The following PCBP4 variants were observed in gnomAD, a reference collection of about 807,000 sequenced individuals.
The protein encoded by PCBP4 is poly(rC) binding protein 4, also known as poly(rC)-binding protein 4.
PCBP4 carries 24 observed loss-of-function variants against 46.2 expected under a neutral mutation model. That is an observed-to-expected ratio of 0.52 (90% CI 0.38 to 0.73). The LOEUF (loss-of-function observed/expected upper bound fraction) is 0.73, where lower values mean the gene tolerates loss of function less well. PCBP4 is among the 30% of genes least tolerant of loss of function. The pLI is 0.00. For missense variants in PCBP4, 407 were observed against 537.0 expected (o/e 0.76, Z 2.39); for synonymous variants, 203 against 224.4 (o/e 0.90, Z 0.85).
chr3:51,960,757 T>TG lies in PCBP4; in HGVS notation c.138+108dup. 6.8e-7 allele frequency: 1 copy of TG among 1,479,170 alleles called. No homozygotes were observed. Among genetic ancestry groups the TG allele is most frequent in the Non-Finnish European group, 9.5e-7 (1 of 1,057,610 alleles). 91.6% of individuals were successfully genotyped at this position (1,479,170 alleles called of 1,614,324 possible). ...GGCAAGGCTCAAAACTGCCACCCTCTGGGGGACTCACTGGTCAGCCCAGAA... is the reference window on the plus strand; with the variant it reads ...GGCAAGGCTCAAAACTGCCACCCTCTGGGGGGACTCACTGGTCAGCCCAGAA... On this transcript the variant is annotated intron_variant, in intron 5 of 13. Coordinates refer to ENST00000461554, the MANE Select transcript of PCBP4 (RefSeq NM_001174100.2). This position sits in a 1 kb window ranked among gnomAD's most constrained non-coding sequence, Gnocchi z 5.0.
chr3:51,958,005 C>T lies in PCBP4; in HGVS notation c.*56G>A. 2 of 1,483,372 alleles carry T rather than the reference C, an allele frequency of 1.3e-6. No homozygotes were observed. Among genetic ancestry groups the T allele is most frequent in the South Asian group, 1.4e-5 (1 of 73,202 alleles). 91.9% of individuals were successfully genotyped at this position (1,483,372 alleles called of 1,614,324 possible). On this transcript the variant is annotated 3_prime_UTR_variant, in exon 14 of 14. Coordinates refer to ENST00000461554, the MANE Select transcript of PCBP4 (RefSeq NM_001174100.2). This position sits in a 1 kb window ranked among gnomAD's most constrained non-coding sequence, Gnocchi z 5.4. Reference sequence around the variant, plus strand: ...GGAGTCTCCTTGGGCGGGTAGGGTGCAGAGGCAGCCCCCTGCTGGTGGTCC... The same window carrying T: ...GGAGTCTCCTTGGGCGGGTAGGGTGTAGAGGCAGCCCCCTGCTGGTGGTCC...
Position 51,959,910 on chromosome 3 carries a change from G to A in PCBP4, c.501C>T (p.Cys167=), listed in dbSNP as rs538122786. The change falls in exon 8 of 14, where the codon TGC becomes TGT. Residue 167 remains cysteine, a synonymous_variant. Transcript: ENST00000461554. The surrounding 1 kb of genome is among the most constrained non-coding windows in gnomAD (Gnocchi z 5.6). ...AGGGCAGCACCTCCAGGATAACAGC[G>A]CAGATCTGGCGCACACACAGGATGA... ...DAIILCVRQI[C]AVILESPPKG... 195 of 1,595,974 alleles carry A rather than the reference G, an allele frequency of 1.2e-4. 1 individual carries two copies. In the South Asian group the frequency reaches 2.0e-3, roughly 16 times the overall value.
rs997310508 is a variant in PCBP4, at chr3:51,959,830, G to A, written c.516+65C>T. The A allele has an allele frequency of 1.9e-6, 3 of 1,549,162 alleles. No homozygotes were observed. The highest frequency in any genetic ancestry group is 2.6e-6 in the Non-Finnish European group (3 of 1,149,216). On this transcript the variant is annotated intron_variant, in intron 8 of 13. Transcript: ENST00000461554. The surrounding 1 kb of genome is among the most constrained non-coding windows in gnomAD (Gnocchi z 5.6). Reference sequence around the variant, plus strand: ...CCTGCAGCACAGGCATAGGGTTTGGGGTCCCCGACAAGGCAGACCCAGGGC... The same window carrying A: ...CCTGCAGCACAGGCATAGGGTTTGGAGTCCCCGACAAGGCAGACCCAGGGC...
chr3:51,963,737 T>C (rs1332364367), intron 1 of PCBP4, among the ~76,000 whole-genome samples: 1 of 152,198 alleles, frequency 6.6e-6, no homozygotes, highest in Admixed American at 6.5e-5. Flanking sequence ...CTGTATTGTG[T>C]TTAGGGGCTG....
chr3:51,961,842 T>C, intron 2 of PCBP4, 99 bp downstream of exon 2: 1 of 816,956 alleles, frequency 1.2e-6, no homozygotes, highest in Non-Finnish European at 1.5e-6. Flanking sequence ...TGGGAAGCCT[T>C]GAAGGCAGGG....
Position 51,960,763 on chromosome 3 carries a change from A to G in PCBP4, c.138+103T>C. On this transcript the variant is annotated intron_variant, in intron 5 of 13. Transcript: ENST00000461554. This position sits in a 1 kb window ranked among gnomAD's most constrained non-coding sequence, Gnocchi z 5.0. ...GCTCAAAACTGCCACCCTCTGGGGG[A>G]CTCACTGGTCAGCCCAGAAGGAGTG... 1 of 1,472,400 alleles carries G rather than the reference A, an allele frequency of 6.8e-7. No homozygotes were observed. Among genetic ancestry groups the G allele is most frequent in the Non-Finnish European group, 9.5e-7 (1 of 1,051,522 alleles). The allele number at this position is 1,472,400 out of a possible 1,614,324, so 91.2% of individuals were successfully genotyped here.
chr3:51,960,499 G>A lies in PCBP4; in HGVS notation c.255+27C>T, dbSNP rs201087051. On this transcript the variant is annotated intron_variant, in intron 6 of 13. Coordinates refer to ENST00000461554, the MANE Select transcript of PCBP4 (RefSeq NM_001174100.2). The surrounding 1 kb of genome is among the most constrained non-coding windows in gnomAD (Gnocchi z 5.0). ...GGGTTCCTCCTGGGGAACCACTCTT[G>A]GCGTCCTGCCCTGGCCAGCCACGGA... 1.0e-4 allele frequency: 166 copies of A among 1,588,708 alleles called. No homozygotes were observed. The African/African-American group carries it at 2.1e-3, about 20-fold the overall frequency.
Position 51,960,907 on chromosome 3 carries a change from GGT to G in PCBP4, c.106-11_106-10del, listed in dbSNP as rs3214327. 0.036 allele frequency: 58,841 copies of G among 1,613,990 alleles called. 4,668 individuals carry two copies. Among genetic ancestry groups the G allele is most frequent in the African/African-American group, 0.32 (23,697 of 74,928 alleles). ...TTTACAGTCTCGCCCTTCTGTGGGA[GGT>G]ACAAAACAGATAATCACTCTTAACT... is the stretch of plus-strand genomic sequence containing the variant. On this transcript the variant is annotated splice_polypyrimidine_tract_variant and intron_variant, in intron 4 of 13. Transcript: ENST00000461554. This position sits in a 1 kb window ranked among gnomAD's most constrained non-coding sequence, Gnocchi z 5.0.
chr3:51,966,008 G>C (rs976783711), intron 1 of PCBP4, among the ~76,000 whole-genome samples: 1 of 152,190 alleles, frequency 6.6e-6, no homozygotes, highest in Non-Finnish European at 1.5e-5. Flanking sequence ...AGGGGCTCGC[G>C]GCCCAGAGAG....
In PCBP4 at chr3:51,958,755, A is replaced by G. The variant is rs1393318203; in HGVS notation, c.923+35T>C. ...CTTTCTTGGGCACATGAGAACCGTG[A>G]CCTGCTCCCCCACTGCCGCCCAGCC... On this transcript the variant is annotated intron_variant, in intron 13 of 13. Coordinates refer to ENST00000461554, the MANE Select transcript of PCBP4 (RefSeq NM_001174100.2). This position sits in a 1 kb window ranked among gnomAD's most constrained non-coding sequence, Gnocchi z 5.4. The G allele has an allele frequency of 6.3e-7, 1 of 1,593,658 alleles. No individual in the cohort carries two copies. Among genetic ancestry groups the G allele is most frequent in the Admixed American group, 1.7e-5 (1 of 59,554 alleles).
intron 1 of PCBP4, among the ~76,000 whole-genome samples, chr3:51,964,339 C>T (rs1490008147): frequency 6.6e-6 from 1 of 152,244 alleles, no homozygotes; most frequent in Non-Finnish European, 1.5e-5. Flanking sequence ...ATCAAGTGTC[C>T]ACCCTGCCTT....
intron 1 of PCBP4, among the ~76,000 whole-genome samples, chr3:51,966,078 G>A (rs886393748): frequency 6.6e-6 from 1 of 152,258 alleles, no homozygotes; most frequent in Non-Finnish European, 1.5e-5. Flanking sequence ...GAACCCAGGG[G>A]TCTACCTGTG....
At chr3:51,961,470 C>G in intron 2 of PCBP4, 166 bp from the exon 3 acceptor site, 1 of 829,936 alleles carries the variant, frequency 1.2e-6, no homozygotes, top group Non-Finnish European at 1.8e-6. Context: ...GTGTGTCTCA[C>G]GAGCTGTGTA....
rs1288613667 is a variant in PCBP4 at position 51,960,977 on chromosome 3, AG to A, written c.105+32del. On this transcript the variant is annotated intron_variant, in intron 4 of 13. Coordinates refer to ENST00000461554, the MANE Select transcript of PCBP4 (RefSeq NM_001174100.2). The surrounding 1 kb of genome is among the most constrained non-coding windows in gnomAD (Gnocchi z 5.0). ...TTCCCTGGGCTGAAGCCTCAGCTGG[AG>A]GGGGATGTACAGAGCAGAGCTAGGC... is the stretch of plus-strand genomic sequence containing the variant. 15 of 1,614,170 alleles carry A rather than the reference AG, an allele frequency of 9.3e-6. No homozygotes were observed. The highest frequency in any genetic ancestry group is 1.2e-5 in the Non-Finnish European group (14 of 1,180,006).
At position 51,959,969 on chromosome 3, in the gene PCBP4, G is replaced by A. The variant is rs752819143; in HGVS notation, c.442C>T (p.Arg148Ter). Residue 148 changes from arginine (R) to a stop codon, truncating the protein, a stop_gained, in exon 8 of 14, where the codon CGA (arginine) becomes TGA (stop). Transcript: ENST00000461554. LOFTEE classifies it high-confidence loss of function. The surrounding 1 kb of genome is among the most constrained non-coding windows in gnomAD (Gnocchi z 5.6). ...AGDLLPNSTE[R>*]AVTVSGVPDA... Reference sequence around the variant, plus strand: ...GGCACCCCAGATACCGTAACAGCTCGCTCTGTGGAGTTGGGGAGCAGGTCC... The same window carrying A: ...GGCACCCCAGATACCGTAACAGCTCACTCTGTGGAGTTGGGGAGCAGGTCC... 8.7e-6 allele frequency: 14 copies of A among 1,614,058 alleles called. No homozygotes were observed. Among genetic ancestry groups the A allele is most frequent in the Admixed American group, 3.3e-5 (2 of 60,022 alleles).
chr3:51,959,814 C>T lies in PCBP4; in HGVS notation c.516+81G>A. 1.9e-6 allele frequency: 3 copies of T among 1,541,560 alleles called. No individual in the cohort carries two copies. Among genetic ancestry groups the T allele is most frequent in the Non-Finnish European group, 2.6e-6 (3 of 1,142,666 alleles). On this transcript the variant is annotated intron_variant, in intron 8 of 13. Transcript: ENST00000461554. The surrounding 1 kb of genome is among the most constrained non-coding windows in gnomAD (Gnocchi z 5.6). ...GCCCTGCCCTGCCCCACCTGCAGCA[C>T]AGGCATAGGGTTTGGGGTCCCCGAC... is the stretch of plus-strand genomic sequence containing the variant.
chr3:51,966,281 T>C (rs1307489303), intron 1 of PCBP4, among the ~76,000 whole-genome samples: 1 of 151,992 alleles, frequency 6.6e-6, no homozygotes, highest in Non-Finnish European at 1.5e-5. Context: ...ACCCTGAGCA[T>C]GCAAGAAGAA....
chr3:51,966,809 C>A (rs978215984), intron 1 of PCBP4, among the ~76,000 whole-genome samples: 1 of 151,640 alleles, frequency 6.6e-6, no homozygotes, highest in Non-Finnish European at 1.5e-5. Flanking sequence ...CCCACCCCCA[C>A]CCCCCAGGAC....
At position 51,958,693 on chromosome 3, in the gene PCBP4, C is replaced by T. The variant is rs1226576989; in HGVS notation, c.923+97G>A. 5.0e-6 allele frequency: 7 copies of T among 1,394,988 alleles called. No homozygotes were observed. The highest frequency in any genetic ancestry group is 1.3e-5 in the South Asian group (1 of 75,922). The allele number at this position is 1,394,988 out of a possible 1,614,324, so 86.4% of individuals were successfully genotyped here. A position where few individuals can be genotyped will look rare whatever the true frequency, so the allele number is the denominator to read the frequency against. On this transcript the variant is annotated intron_variant, in intron 13 of 13. Coordinates refer to ENST00000461554, the MANE Select transcript of PCBP4 (RefSeq NM_001174100.2). This position sits in a 1 kb window ranked among gnomAD's most constrained non-coding sequence, Gnocchi z 5.4. ...AGGAGAGGCAGAGGTCGGGCCCAGA[C>T]AGAGAGAGGAGGCCAGCTTCCTCTC...
Sources: allele counts gnomAD v4.1 joint callset (sites outside exome capture counted in the v4.1 genomes callset), GRCh38; gene constraint gnomAD v4.1.1; non-coding constraint Gnocchi (gnomAD v3.1); transcripts MANE v1.5; gene names NCBI Gene and HGNC (gene_info 2026-07-23, HGNC 2026-07-21).